Variants in DLG1 observed in about 807,000 individuals in gnomAD.
The protein encoded by DLG1 is disks large homolog 1.
DLG1 carries 42 observed loss-of-function variants against 123.4 expected under a neutral mutation model. The ratio of observed to expected loss-of-function variants is 0.34; its 90% CI spans 0.27 to 0.44. The LOEUF (loss-of-function observed/expected upper bound fraction) is 0.44, where lower values mean the gene tolerates loss of function less well. Among genes scored for constraint, DLG1 ranks in the 20% least tolerant of loss-of-function variants. The pLI, the probability that DLG1 is intolerant of heterozygous loss-of-function variation, is 1.00. For synonymous variants in DLG1, 317 were observed against 356.2 expected (o/e 0.89, Z 1.24); for missense variants, 942 against 1,082.6 (o/e 0.87, Z 1.82).
chr3:197,231,006 TAA>T (rs1742685997), intron 4 of DLG1, among the ~76,000 whole-genome samples: 1 of 150,490 alleles, frequency 6.6e-6, no homozygotes, highest in African/African-American at 2.5e-5. Flanking sequence ...CTATAACACC[TAA>T]GTTTCCATGG....
chr3:197,232,367 A>G (rs1743643131), intron 4 of DLG1, among the ~76,000 whole-genome samples: 2 of 151,712 alleles, frequency 1.3e-5, no homozygotes, highest in Non-Finnish European at 2.9e-5. Flanking sequence ...CTCTTAAAAA[A>G]AAAAAAAAAA....
At position 197,101,425 on chromosome 3, in the gene DLG1, G is replaced by A. The variant is rs190460836; in HGVS notation, c.1546+3478C>T. ...TTTTGAGACAGAGTCTCGCTCTGTC[G>A]CCCAGGCTGGAGTGCAGTGGCGTGA... On this transcript the variant is annotated intron_variant, in intron 14 of 24. Coordinates refer to ENST00000667157, the MANE Select transcript of DLG1 (RefSeq NM_001366207.1). 3.0e-3 allele frequency among the ~76,000 whole-genome samples: 450 copies of A among 150,862 alleles called. 2 individuals are homozygous for A. Among genetic ancestry groups the A allele is most frequent in the African/African-American group, 9.5e-3 (390 of 41,062 alleles).
chr3:197,290,765 G>C (rs1411877935), intron 3 of DLG1, among the ~76,000 whole-genome samples: 1 of 151,946 alleles, frequency 6.6e-6, no homozygotes, highest in Non-Finnish European at 1.5e-5. Context: ...AGGCGTGGGG[G>C]CTCACACCTG....
chr3:197,105,318 C>T (rs1295092140), intron 13 of DLG1, among the ~76,000 whole-genome samples: 9 of 152,100 alleles, frequency 5.9e-5, no homozygotes, highest in Admixed American at 5.9e-4. Context: ...AATCAAGTGG[C>T]ATCATTTTGC....
At chr3:197,282,873 A>G (rs1352002630) in intron 3 of DLG1, 28 bp from the exon 4 acceptor site, 1 of 1,365,530 alleles carries the variant, frequency 7.3e-7, no homozygotes. Context: ...AAAATTCATA[A>G]GTATTTATAT....
chr3:197,270,679 A>G (rs1221923295), intron 4 of DLG1, among the ~76,000 whole-genome samples: 1 of 152,172 alleles, frequency 6.6e-6, no homozygotes, highest in Admixed American at 6.5e-5. Context: ...ACACTTCACA[A>G]TATCAACAAG....
chr3:197,222,029 T>C (rs1447702692), intron 4 of DLG1, among the ~76,000 whole-genome samples: 1 of 152,230 alleles, frequency 6.6e-6, no homozygotes, highest in Non-Finnish European at 1.5e-5. Flanking sequence ...ATAGTTGTTA[T>C]AATGTATTGC....
At chr3:197,288,058 T>TA (rs1006941533) in intron 3 of DLG1, among the ~76,000 whole-genome samples, 5 of 151,964 alleles carry the variant, frequency 3.3e-5, no homozygotes, top group African/African-American at 1.2e-4. Flanking sequence ...AGGAAACCAT[T>TA]AAAAAAACTA....
At chr3:197,082,943 T>A (rs962303525) in intron 16 of DLG1, among the ~76,000 whole-genome samples, 5 of 152,210 alleles carry the variant, frequency 3.3e-5, no homozygotes, top group African/African-American at 1.2e-4. Context: ...TTGTAAGGTA[T>A]GAGACTCCAA....
At chr3:197,280,145 C>G (rs1768523566) in intron 4 of DLG1, among the ~76,000 whole-genome samples, 9 of 152,160 alleles carry the variant, frequency 5.9e-5, no homozygotes, top group Admixed American at 5.9e-4. Context: ...CCCTCTCCCA[C>G]CCTTCCCAGT....
chr3:197,149,624 G>A, intron 6 of DLG1, 119 bp downstream of exon 6: 2 of 752,580 alleles, frequency 2.7e-6, no homozygotes, highest in Non-Finnish European at 4.8e-6. Context: ...AGTATATAGT[G>A]ATAGAACATC....
chr3:197,145,562 T>G (rs1347637760), intron 6 of DLG1, among the ~76,000 whole-genome samples: 2 of 152,206 alleles, frequency 1.3e-5, no homozygotes, highest in African/African-American at 4.8e-5. Context: ...AAAATTTTAT[T>G]TTCGAAAACA....
chr3:197,171,665 C>T lies in DLG1; in HGVS notation c.484-21869G>A, dbSNP rs554551727. On this transcript the variant is annotated intron_variant, in intron 5 of 24. Transcript: ENST00000667157. ...AATATTCAGTTAAGGTTTCTCATCC[C>T]TCCATTATGAAAAGACAGTATTCTA... is the stretch of plus-strand genomic sequence containing the variant. Among the ~76,000 whole-genome samples, 4 of 152,236 alleles carry T rather than the reference C, an allele frequency of 2.6e-5. No homozygotes were observed. The South Asian group carries it at 8.3e-4, about 32-fold the overall frequency.
At chr3:197,199,323 A>G (rs988187906) in intron 4 of DLG1, among the ~76,000 whole-genome samples, 8 of 152,204 alleles carry the variant, frequency 5.3e-5, no homozygotes, top group Non-Finnish European at 1.0e-4. Context: ...TCAATTTTCA[A>G]AACTTTTTGA....
intron 5 of DLG1, among the ~76,000 whole-genome samples, chr3:197,169,908 C>T (rs1019833484): frequency 7.2e-5 from 11 of 152,160 alleles, no homozygotes; most frequent in African/African-American, 2.7e-4. Context: ...CTTCTCCCTC[C>T]TCGTACTCTC....
chr3:197,285,899 T>C (rs1241083866), intron 3 of DLG1, among the ~76,000 whole-genome samples: 1 of 152,190 alleles, frequency 6.6e-6, no homozygotes, highest in Admixed American at 6.5e-5. Context: ...AGCTGAAAAC[T>C]TAAGTCAACT....
At chr3:197,218,386 T>G (rs952820711) in intron 4 of DLG1, among the ~76,000 whole-genome samples, 1 of 152,218 alleles carries the variant, frequency 6.6e-6, no homozygotes, top group South Asian at 2.1e-4. Context: ...GCTATGAACT[T>G]CAAGGGAAGG....
chr3:197,164,881 G>A (rs899926202), intron 5 of DLG1, among the ~76,000 whole-genome samples: 15 of 151,374 alleles, frequency 9.9e-5, no homozygotes, highest in East Asian at 5.8e-4. Context: ...GTGAGATCAC[G>A]CCACTGTACT....
intron 13 of DLG1, among the ~76,000 whole-genome samples, chr3:197,114,548 C>G (rs193035781): frequency 6.6e-6 from 1 of 152,150 alleles, no homozygotes; most frequent in African/African-American, 2.4e-5. Context: ...AGAATATTTA[C>G]GATTAAGGAA....
Sources: gnomAD v4.1 joint callset for allele counts (sites outside exome capture counted in the v4.1 genomes callset) on GRCh38, gnomAD v4.1.1 for gene constraint, MANE v1.5 for transcripts, NCBI Gene and HGNC (gene_info 2026-07-23, HGNC 2026-07-21) for gene names.